FRMD4A: variants seen among roughly 807,000 people sequenced by gnomAD.
FRMD4A encodes the protein FERM domain-containing protein 4A.
A neutral mutation model predicts 129.1 loss-of-function variants in FRMD4A; 29 were observed. That is an observed-to-expected ratio of 0.22 (90% CI 0.17 to 0.31). The LOEUF (loss-of-function observed/expected upper bound fraction) is 0.31. FRMD4A is among the 10% of genes least tolerant of loss of function. The pLI, the probability that FRMD4A is intolerant of heterozygous loss-of-function variation, is 1.00. For missense variants in FRMD4A, 1,272 were observed against 1,375.8 expected, an observed-to-expected ratio of 0.92 and a Z score of 1.19; for synonymous variants, 634 against 571.6, an observed-to-expected ratio of 1.11 and a Z score of -1.56.
At chr10:14,049,400 AT>A (rs2131684332) in intron 2 of FRMD4A, among the ~76,000 whole-genome samples, 1 of 152,328 alleles carries the variant, frequency 6.6e-6, no homozygotes, top group African/African-American at 2.4e-5. Flanking sequence ...ACTGGCAAGT[AT>A]TCAAGATCTT....
chr10:13,778,634 T>TGTGTG, intron 6 of FRMD4A, among the ~76,000 whole-genome samples: 1 of 151,206 alleles, frequency 6.6e-6, no homozygotes, highest in South Asian at 2.1e-4. Flanking sequence ...TGTGTGTGTG[T>TGTGTG]TAAGGTTTAA....
chr10:13,729,090 G>A (rs867410039), intron 12 of FRMD4A, among the ~76,000 whole-genome samples: 1 of 152,232 alleles, frequency 6.6e-6, no homozygotes, highest in South Asian at 2.1e-4. Context: ...CCCAAATTCC[G>A]CCCCCGCCCG....
chr10:13,993,478 C>T (rs1309498573), intron 2 of FRMD4A, among the ~76,000 whole-genome samples: 1 of 152,178 alleles, frequency 6.6e-6, no homozygotes, highest in Non-Finnish European at 1.5e-5. Flanking sequence ...CTTGTGCAAT[C>T]TCTAGTTTTA....
At chr10:14,237,282 G>A (rs1050141705) in intron 2 of FRMD4A, among the ~76,000 whole-genome samples, 2 of 152,046 alleles carry the variant, frequency 1.3e-5, no homozygotes, top group Non-Finnish European at 2.9e-5. Flanking sequence ...CTTTTTCAGC[G>A]GATGCATTTA....
rs1011799100 is a variant in FRMD4A at position 14,117,101 on chromosome 10, T to C, written c.45+212957A>G. On this transcript the variant is annotated intron_variant, in intron 2 of 24. Coordinates refer to ENST00000357447, the MANE Select transcript of FRMD4A (RefSeq NM_018027.5). ...AGTGACTGAGTACAGCAGAGATACC[T>C]AAGGTAGCTGATTCCTGGAAGACAC... Among the ~76,000 whole-genome samples, 3 of 152,210 alleles carry C rather than the reference T, an allele frequency of 2.0e-5. No individual in the cohort carries two copies. In the East Asian group the frequency reaches 5.8e-4, roughly 29 times the overall value.
intron 8 of FRMD4A, among the ~76,000 whole-genome samples, chr10:13,752,572 GTC>G (rs1469833016): frequency 6.6e-6 from 1 of 152,180 alleles, no homozygotes; most frequent in Admixed American, 6.5e-5. Context: ...AGTCGTTTCT[GTC>G]TGCACTGGTA....
intron 3 of FRMD4A, among the ~76,000 whole-genome samples, chr10:13,853,536 G>GA (rs1035768071): frequency 6.6e-6 from 1 of 151,576 alleles, no homozygotes; most frequent in Non-Finnish European, 1.5e-5. Flanking sequence ...GACCCTGCCT[G>GA]AAAAAAAAGT....
At chr10:13,920,310 T>C (rs146521662) in intron 2 of FRMD4A, among the ~76,000 whole-genome samples, 10 of 152,326 alleles carry the variant, frequency 6.6e-5, no homozygotes, top group African/African-American at 9.6e-5. Flanking sequence ...CCCAACTCCA[T>C]GTTTTTGTCT....
chr10:14,117,256 G>A (rs529639572), intron 2 of FRMD4A, among the ~76,000 whole-genome samples: 9 of 152,374 alleles, frequency 5.9e-5, no homozygotes, highest in Non-Finnish European at 1.2e-4. Flanking sequence ...GGCAGAGCCT[G>A]AACAGAGCCT....
At chr10:14,237,700 C>T (rs1231088656) in intron 2 of FRMD4A, among the ~76,000 whole-genome samples, 2 of 152,310 alleles carry the variant, frequency 1.3e-5, no homozygotes, top group East Asian at 3.9e-4. Context: ...GTTTATGCTA[C>T]ACAGCTGTTG....
chr10:13,927,576 T>C (rs2095147971), intron 2 of FRMD4A, among the ~76,000 whole-genome samples: 1 of 152,204 alleles, frequency 6.6e-6, no homozygotes, highest in African/African-American at 2.4e-5. Flanking sequence ...AATTTTAAAA[T>C]AGCCAAAAAA....
At chr10:13,953,476 G>A (rs1201291235) in intron 2 of FRMD4A, among the ~76,000 whole-genome samples, 2 of 152,284 alleles carry the variant, frequency 1.3e-5, no homozygotes, top group East Asian at 3.9e-4. Flanking sequence ...TAAATTGCAT[G>A]TCATTCTGAA....
chr10:14,252,490 T>C (rs528465513), intron 2 of FRMD4A, among the ~76,000 whole-genome samples: 3 of 152,352 alleles, frequency 2.0e-5, no homozygotes, highest in South Asian at 2.1e-4. Context: ...CTGAAGAGCA[T>C]AGGCCAAGCA....
At chr10:13,985,854 G>C (rs915897651) in intron 2 of FRMD4A, among the ~76,000 whole-genome samples, 3 of 152,242 alleles carry the variant, frequency 2.0e-5, no homozygotes, top group African/African-American at 7.2e-5. Context: ...CCCTGGCGAT[G>C]CTGATTTAGG....
At chr10:14,317,913 C>A (rs553844090) in intron 2 of FRMD4A, among the ~76,000 whole-genome samples, 3 of 152,066 alleles carry the variant, frequency 2.0e-5, no homozygotes, top group Non-Finnish European at 4.4e-5. Context: ...CATTTTCTTG[C>A]TAGAAAATTC....
intron 2 of FRMD4A, among the ~76,000 whole-genome samples, chr10:13,983,542 T>A (rs1483503447): frequency 6.6e-6 from 1 of 152,140 alleles, no homozygotes. Flanking sequence ...TAGTATAATT[T>A]GAGGTAAATT....
chr10:14,304,857 G>A (rs898950910), intron 2 of FRMD4A, among the ~76,000 whole-genome samples: 9 of 152,192 alleles, frequency 5.9e-5, no homozygotes, highest in Non-Finnish European at 1.0e-4. Context: ...TAAATATCCC[G>A]GCTGCATCTC....
chr10:14,046,217 C>T (rs1198407803), intron 2 of FRMD4A, among the ~76,000 whole-genome samples: 6 of 152,124 alleles, frequency 3.9e-5, no homozygotes, highest in Admixed American at 3.9e-4. Flanking sequence ...CTTTCCTCAA[C>T]ATTTGTTAAA....
intron 2 of FRMD4A, chr10:14,007,096 T>C (rs1260062056): frequency 2.0e-5 from 3 of 152,092 alleles, no homozygotes; most frequent in African/African-American, 7.2e-5. Context: ...CCAGAAAAAG[T>C]CACTTGAATT....
Sources: allele counts gnomAD v4.1 joint callset (sites outside exome capture counted in the v4.1 genomes callset), GRCh38; gene constraint gnomAD v4.1.1; transcripts MANE v1.5; gene names NCBI Gene and HGNC (gene_info 2026-07-23, HGNC 2026-07-21).